The following TSFM variants were observed in gnomAD, a reference collection of about 807,000 sequenced individuals.
The protein encoded by TSFM is Ts translation elongation factor, mitochondrial, also known as elongation factor Ts, mitochondrial.
TSFM carries 29 observed loss-of-function variants against 33.4 expected under a neutral mutation model. The ratio of observed to expected loss-of-function variants is 0.87; its 90% confidence interval spans 0.65 to 1.18. The LOEUF (loss-of-function observed/expected upper bound fraction) is 1.18. Among genes scored for constraint, TSFM ranks in the 50% most tolerant of loss-of-function variants. The pLI is 0.00. For missense variants in TSFM, 394 were observed against 395.6 expected, an observed-to-expected ratio of 1.00 and a Z score of 0.04; for synonymous variants, 178 against 163.5, an observed-to-expected ratio of 1.09 and a Z score of -0.68.
At chr12:57,800,105 G>T, downstream of TSFM, 4 of 801,572 alleles carry the variant, frequency 5.0e-6, no homozygotes, top group South Asian at 4.1e-5. Context: ...AAAATATTCA[G>T]ATTTTGGGGT....
Position 57,796,403 on chromosome 12 carries a change from C to G in TSFM, c.798C>G (p.Leu266=). The change falls in exon 6 of 6, where the codon CTC becomes CTG. Residue 266 remains leucine, a synonymous_variant. Coordinates refer to ENST00000652027, the MANE Select transcript of TSFM (RefSeq NM_005726.6). The part of the protein sequence containing the change: ...LGQHVVGMAP[L]SVGSLDDEPG... Reference sequence around the variant, plus strand: ...AGCATGTGGTGGGCATGGCCCCCCTCTCTGTTGGCTCCCTGGACGATGAGC... The same window carrying G: ...AGCATGTGGTGGGCATGGCCCCCCTGTCTGTTGGCTCCCTGGACGATGAGC... The G allele has an allele frequency of 6.2e-7, 1 of 1,602,236 alleles. No individual in the cohort carries two copies. Among genetic ancestry groups the G allele is most frequent in the Non-Finnish European group, 8.5e-7 (1 of 1,174,224 alleles).
downstream of TSFM, chr12:57,799,902 G>T: frequency 6.2e-7 from 1 of 1,614,164 alleles, no homozygotes; most frequent in Non-Finnish European, 8.5e-7. Flanking sequence ...TTCAGGGAGA[G>T]GGTTGCATTC....
chr12:57,786,143 T>C lies in TSFM; in HGVS notation c.232-20T>C, dbSNP rs560237709. On this transcript the variant is annotated intron_variant, in intron 2 of 5. Coordinates refer to ENST00000652027, the MANE Select transcript of TSFM (RefSeq NM_005726.6). ...AATTCTGTGACTTTGTTGTCTGCTC[T>C]TTTTCCTCTCAATTTACAGGCAGAG... 49 of 1,591,408 alleles carry C rather than the reference T, an allele frequency of 3.1e-5. 1 individual carries two copies. In the East Asian group the frequency reaches 9.9e-4, roughly 32 times the overall value.
chr12:57,796,804 G>C lies in TSFM; in HGVS notation c.*221G>C. 8.5e-7 allele frequency: 1 copy of C among 1,182,880 alleles called. No homozygotes were observed. The highest frequency in any genetic ancestry group is 1.0e-6 in the Non-Finnish European group (1 of 958,442). 73.3% of individuals were successfully genotyped at this position (1,182,880 alleles called of 1,614,324 possible). On this transcript the variant is annotated 3_prime_UTR_variant, in exon 6 of 6. Transcript: ENST00000652027. ...TGGGCCTTATTGACGTGATAGTGTC[G>C]TGGAGAACAGGCATCAACAATACTG...
intron 2 of TSFM, among the ~76,000 whole-genome samples, chr12:57,785,363 CA>C (rs1489827599): frequency 7.9e-5 from 12 of 152,224 alleles, no homozygotes; most frequent in African/African-American, 2.9e-4. Context: ...GGAAGGTCTT[CA>C]GGGGCAGTAA....
chr12:57,798,930 T>C (rs1955791139), downstream of TSFM, among the ~76,000 whole-genome samples: 1 of 152,204 alleles, frequency 6.6e-6, no homozygotes, highest in Admixed American at 6.5e-5. Flanking sequence ...ATTTATTCTT[T>C]TAACTCAAAT....
chr12:57,786,432 C>T (rs1490645699), intron 3 of TSFM, 141 bp downstream of exon 3: 7 of 1,082,756 alleles, frequency 6.5e-6, no homozygotes, highest in African/African-American at 1.6e-5. Context: ...CTCATGAAAC[C>T]CTGGGTATTA....
chr12:57,791,234 T>C (rs1368131307), intron 4 of TSFM, among the ~76,000 whole-genome samples: 1 of 152,192 alleles, frequency 6.6e-6, no homozygotes, highest in Non-Finnish European at 1.5e-5. Flanking sequence ...GGTCTCGAAC[T>C]CCTGACCTTA....
intron 4 of TSFM, among the ~76,000 whole-genome samples, chr12:57,790,687 T>C (rs567943390): frequency 1.3e-5 from 2 of 152,298 alleles, no homozygotes; most frequent in African/African-American, 4.8e-5. Context: ...TTCTGTGAGC[T>C]TATGTTACTC....
intron 4 of TSFM, among the ~76,000 whole-genome samples, chr12:57,792,581 A>C (rs1438747593): frequency 2.6e-5 from 4 of 152,002 alleles, no homozygotes. Flanking sequence ...TGTCTTAAAG[A>C]ATGTTTTCTT....
At chr12:57,802,450 T>G (rs1409770086), downstream of TSFM, 1 of 1,373,424 alleles carries the variant, frequency 7.3e-7, no homozygotes, top group East Asian at 2.5e-5. Context: ...TCGTGAGCAA[T>G]TCACAGCCTC....
chr12:57,797,864 G>A (rs776722033), downstream of TSFM: 2 of 1,552,762 alleles, frequency 1.3e-6, no homozygotes, highest in South Asian at 2.4e-5. Context: ...CCTTGCAATA[G>A]GTATAGGCCT....
At chr12:57,797,810 A>G (rs1328831707), downstream of TSFM, 4 of 1,208,424 alleles carry the variant, frequency 3.3e-6, no homozygotes. Context: ...AAATTGGTGG[A>G]TAAATTATTT....
rs956365503 is a variant in TSFM at position 57,786,122 on chromosome 12, C to T, written c.232-41C>T. The T allele has an allele frequency of 3.2e-6, 5 of 1,558,718 alleles. No individual in the cohort carries two copies. In the South Asian group the frequency reaches 6.0e-5, roughly 19 times the overall value. ...TTAGAACTACATTTAGTGCTAAATT[C>T]TGTGACTTTGTTGTCTGCTCTTTTT... On this transcript the variant is annotated intron_variant, in intron 2 of 5. Coordinates refer to ENST00000652027, the MANE Select transcript of TSFM (RefSeq NM_005726.6).
Position 57,796,497 on chromosome 12 carries a change from C to T in TSFM, c.892C>T (p.Gln298Ter). The change falls in exon 6 of 6, where the codon CAG becomes TAG. Residue 298 changes from glutamine to a stop codon, truncating the protein, a stop_gained. Coordinates refer to ENST00000652027, the MANE Select transcript of TSFM (RefSeq NM_005726.6). LOFTEE classifies it high-confidence loss of function. ...YLLDPSITLG[Q>*]YVQPQGVSVV... ...GCTGGATCCCTCCATTACCTTGGGG[C>T]AGTATGTGCAGCCTCAGGGGGTGTC... 6.4e-7 allele frequency: 1 copy of T among 1,557,626 alleles called. No individual in the cohort carries two copies. The highest frequency in any genetic ancestry group is 1.4e-5 in the African/African-American group (1 of 73,664).
chr12:57,801,740 C>CA (rs1365811125), downstream of TSFM, among the ~76,000 whole-genome samples: 9 of 150,370 alleles, frequency 6.0e-5, no homozygotes, highest in Non-Finnish European at 7.4e-5. Context: ...AATTCTGTCT[C>CA]AAAAAAAGAA....
downstream of TSFM, among the ~76,000 whole-genome samples, chr12:57,798,582 A>G (rs938721989): frequency 1.4e-4 from 21 of 151,878 alleles, no homozygotes; most frequent in African/African-American, 4.8e-4. Flanking sequence ...GCCTAAATCA[A>G]CTTCTTCAAG....
At chr12:57,794,981 G>A (rs1030116221) in intron 5 of TSFM, among the ~76,000 whole-genome samples, 23 of 150,986 alleles carry the variant, frequency 1.5e-4, no homozygotes, top group Admixed American at 2.6e-4. Flanking sequence ...GGATGGTATC[G>A]ATCTCCTGAC....
intron 2 of TSFM, chr12:57,783,921 T>C (rs1955552369): frequency 1.0e-5 from 7 of 702,688 alleles, no homozygotes; most frequent in Non-Finnish European, 1.8e-5. Flanking sequence ...CGGCTGACTT[T>C]AGACATCTTA....
Sources: gnomAD v4.1 joint callset for allele counts (sites outside exome capture counted in the v4.1 genomes callset) on GRCh38, gnomAD v4.1.1 for gene constraint, MANE v1.5 for transcripts, NCBI Gene and HGNC (gene_info 2026-07-23, HGNC 2026-07-21) for gene names.